Variants in PRELID2 observed in about 807,000 individuals in gnomAD.
PRELID2 encodes the protein PRELI domain containing 2.
PRELID2 carries 25 observed loss-of-function variants against 28.4 expected under a neutral mutation model. The ratio of observed to expected loss-of-function variants is 0.88; its 90% CI spans 0.64 to 1.23. The LOEUF is 1.23. Ranked by LOEUF, PRELID2 falls within the 50% of genes most tolerant of loss-of-function variation. The pLI, the probability that PRELID2 is intolerant of heterozygous loss-of-function variation, is 0.00. For synonymous variants in PRELID2, 76 were observed against 71.6 expected, an observed-to-expected ratio of 1.06 and a Z score of -0.31; for missense variants, 201 against 214.4, an observed-to-expected ratio of 0.94 and a Z score of 0.39.
the PRELID2 span, among the ~76,000 whole-genome samples, chr5:145,399,940 T>C: frequency 6.6e-6 from 1 of 152,188 alleles, no homozygotes; most frequent in African/African-American, 2.4e-5. Context: ...GCTCCCATTA[T>C]TCAATTACCT....
the PRELID2 span, among the ~76,000 whole-genome samples, chr5:145,333,819 CAAA>C: frequency 1.1e-5 from 1 of 91,098 alleles, no homozygotes. Context: ...CTGGAGTATA[CAAA>C]AAAAAAAAAA....
At chr5:145,373,990 T>A in the PRELID2 span, among the ~76,000 whole-genome samples, 1 of 146,302 alleles carries the variant, frequency 6.8e-6, no homozygotes, top group African/African-American at 2.5e-5. Context: ...ATTAATAAAG[T>A]TAGTATTATT....
At chr5:145,631,332 C>T (rs560505695) in intron 1 of PRELID2, among the ~76,000 whole-genome samples, 1 of 152,316 alleles carries the variant, frequency 6.6e-6, no homozygotes, top group African/African-American at 2.4e-5. Context: ...AACAGTGTGG[C>T]TGTGTGCCTG....
the PRELID2 span, among the ~76,000 whole-genome samples, chr5:145,315,456 G>T: frequency 6.6e-6 from 1 of 151,858 alleles, no homozygotes; most frequent in Non-Finnish European, 1.5e-5. Context: ...ATAGAATGAA[G>T]AATTATGAAC....
chr5:145,311,885 C>A, the PRELID2 span, among the ~76,000 whole-genome samples: 1 of 151,746 alleles, frequency 6.6e-6, no homozygotes. Context: ...AGAAGGGGCC[C>A]GTGGTTCCGC....
chr5:145,728,093 G>A (rs1172415887), intron 1 of PRELID2, among the ~76,000 whole-genome samples: 2 of 152,054 alleles, frequency 1.3e-5, no homozygotes, highest in Non-Finnish European at 2.9e-5. Context: ...ATCTCTGCTA[G>A]TCTTTGCTAG....
chr5:145,596,099 C>CAAAAAAAAAAAAAAAAAAAAAAA lies in PRELID2; in HGVS notation n.71-122785_71-122784insTTTTTTTTTTTTTTTTTTTTTTT, dbSNP rs552746530. On this transcript the variant is annotated intron_variant and non_coding_transcript_variant, in intron 1 of 2. Transcript: ENST00000510259. ...TGGGTGACAGAGTGAGAGCCTGTCT[C>CAAAAAAAAAAAAAAAAAAAAAAA]AAAAAAAAAAAAAAAAAAAAGTCTG... Among the ~76,000 whole-genome samples the CAAAAAAAAAAAAAAAAAAAAAAA allele has an allele frequency of 3.4e-4, 15 of 43,962 alleles. 1 individual carries two copies. Among genetic ancestry groups the CAAAAAAAAAAAAAAAAAAAAAAA allele is most frequent in the African/African-American group, 1.1e-3 (11 of 10,396 alleles). The allele number at this position is 43,962 out of a possible 152,430, so 28.8% of individuals were successfully genotyped here.
At chr5:145,301,788 T>C in the PRELID2 span, among the ~76,000 whole-genome samples, 2 of 152,176 alleles carry the variant, frequency 1.3e-5, no homozygotes, top group African/African-American at 4.8e-5. Flanking sequence ...ATCCATTGTA[T>C]ATTATAAAAC....
the PRELID2 span, among the ~76,000 whole-genome samples, chr5:145,353,954 GT>G: frequency 6.6e-6 from 1 of 152,140 alleles, no homozygotes; most frequent in Non-Finnish European, 1.5e-5. Context: ...AGTGGTTATG[GT>G]GAAATTTAAC....
At chr5:145,731,476 A>G (rs1756344640) in intron 1 of PRELID2, among the ~76,000 whole-genome samples, 2 of 152,218 alleles carry the variant, frequency 1.3e-5, no homozygotes, top group Non-Finnish European at 2.9e-5. Context: ...CGACATGGGA[A>G]AAAGCACTGG....
chr5:145,295,313 A>AG, the PRELID2 span, among the ~76,000 whole-genome samples: 2 of 152,178 alleles, frequency 1.3e-5, no homozygotes, highest in Non-Finnish European at 2.9e-5. Flanking sequence ...TGATAAGGTA[A>AG]GAAAAAAAAG....
At chr5:145,834,998 T>G in intron 1 of PRELID2, 179 bp downstream of exon 1, 1 of 515,284 alleles carries the variant, frequency 1.9e-6, no homozygotes, top group East Asian at 3.2e-5. Flanking sequence ...CGGCCCCTTT[T>G]CCCGCTCCCT....
chr5:145,541,790 T>C (rs1343185038), intron 1 of PRELID2, among the ~76,000 whole-genome samples: 1 of 152,040 alleles, frequency 6.6e-6, no homozygotes, highest in Non-Finnish European at 1.5e-5. Context: ...TCAAAAAGGA[T>C]AATTTGGGTT....
At chr5:145,462,818 T>C in the PRELID2 span, among the ~76,000 whole-genome samples, 2 of 152,238 alleles carry the variant, frequency 1.3e-5, no homozygotes, top group Non-Finnish European at 2.9e-5. Context: ...CTGTTTCTAG[T>C]TGGCTCCTTA....
chr5:145,806,842 G>T (rs904372362), intron 4 of PRELID2, among the ~76,000 whole-genome samples: 4 of 152,094 alleles, frequency 2.6e-5, no homozygotes, highest in Admixed American at 2.6e-4. Flanking sequence ...TGTGAAGAAG[G>T]TGCTTGCTTC....
At chr5:145,332,140 T>C in the PRELID2 span, among the ~76,000 whole-genome samples, 1 of 152,230 alleles carries the variant, frequency 6.6e-6, no homozygotes, top group Non-Finnish European at 1.5e-5. Context: ...GATCTGCTGA[T>C]ATTCTGATTG....
downstream of PRELID2, among the ~76,000 whole-genome samples, chr5:145,753,415 T>TG (rs553674385): frequency 5.3e-5 from 8 of 152,336 alleles, no homozygotes; most frequent in South Asian, 1.7e-3. Context: ...AAACAGGCTG[T>TG]GCACGAAGTA....
chr5:145,417,457 T>C, the PRELID2 span, among the ~76,000 whole-genome samples: 1 of 151,998 alleles, frequency 6.6e-6, no homozygotes, highest in Non-Finnish European at 1.5e-5. Flanking sequence ...AAAGAAAATA[T>C]CAGACCAATA....
At chr5:145,358,110 G>A in the PRELID2 span, among the ~76,000 whole-genome samples, 2 of 152,042 alleles carry the variant, frequency 1.3e-5, no homozygotes, top group African/African-American at 4.8e-5. Context: ...GGCTGCAGTT[G>A]GCAGACAGGC....
Sources: allele counts gnomAD v4.1 joint callset (sites outside exome capture counted in the v4.1 genomes callset), GRCh38; gene constraint gnomAD v4.1.1; transcripts MANE v1.5; gene names NCBI Gene and HGNC (gene_info 2026-07-23, HGNC 2026-07-21).